Variants in CENPW observed in about 807,000 individuals in gnomAD.
CENPW encodes centromere protein W, also known as cancer-up-regulated gene 2 protein.
A neutral mutation model predicts 11.1 loss-of-function variants in CENPW; 3 were observed. That is an observed-to-expected ratio of 0.27 (90% CI 0.12 to 0.70). The LOEUF is 0.70. Ranked by LOEUF, CENPW falls within the 30% of genes least tolerant of loss-of-function variation. CENPW has a pLI of 0.77. For synonymous variants in CENPW, 38 were observed against 42.0 expected, an observed-to-expected ratio of 0.91 and a Z score of 0.37; for missense variants, 100 against 105.6, an observed-to-expected ratio of 0.95 and a Z score of 0.23.
the CENPW span, among the ~76,000 whole-genome samples, chr6:126,395,133 C>A: frequency 6.6e-6 from 1 of 151,956 alleles, no homozygotes; most frequent in Non-Finnish European, 1.5e-5. Flanking sequence ...TTTCTACTCC[C>A]CCTTCCACTC....
At chr6:126,394,422 A>T in the CENPW span, among the ~76,000 whole-genome samples, 2 of 152,064 alleles carry the variant, frequency 1.3e-5, no homozygotes, top group Non-Finnish European at 2.9e-5. Context: ...TGGCAAAAAG[A>T]AACCAAAAAT....
the CENPW span, among the ~76,000 whole-genome samples, chr6:126,362,781 A>G: frequency 3.3e-5 from 5 of 151,914 alleles, no homozygotes; most frequent in Admixed American, 1.3e-4. Flanking sequence ...TTCTCCTATG[A>G]TTTCCTGTAA....
At chr6:126,390,465 AAACT>A in the CENPW span, among the ~76,000 whole-genome samples, 1 of 151,924 alleles carries the variant, frequency 6.6e-6, no homozygotes, top group East Asian at 1.9e-4. Flanking sequence ...GTTGTGTTAC[AAACT>A]AATTACACTC....
chr6:126,470,186 T>C, the CENPW span, among the ~76,000 whole-genome samples: 2 of 152,176 alleles, frequency 1.3e-5, no homozygotes, highest in African/African-American at 2.4e-5. Context: ...GAGGGAAAAG[T>C]AGTTTCATGG....
In CENPW at chr6:126,340,416, T is replaced by C; in HGVS notation, c.126+17T>C. Reference sequence around the variant, plus strand: ...GACTTATTGGTGAGATTCCATCCCTTCTCGGGCTGGGAATGGGGCACGGGA... The same window carrying C: ...GACTTATTGGTGAGATTCCATCCCTCCTCGGGCTGGGAATGGGGCACGGGA... On this transcript the variant is annotated intron_variant, in intron 1 of 2. Coordinates refer to ENST00000368328, the MANE Select transcript of CENPW (RefSeq NM_001012507.4). 6.2e-7 allele frequency: 1 copy of C among 1,614,136 alleles called. No individual in the cohort carries two copies.
intron 1 of CENPW, 134 bp downstream of exon 1, chr6:126,340,533 G>A: frequency 7.8e-7 from 1 of 1,280,454 alleles, no homozygotes; most frequent in Non-Finnish European, 1.1e-6. Context: ...TTCCAACAAT[G>A]ACAGGGAACG....
At chr6:126,391,597 T>C in the CENPW span, among the ~76,000 whole-genome samples, 2 of 151,920 alleles carry the variant, frequency 1.3e-5, no homozygotes, top group African/African-American at 4.8e-5. Context: ...ACTTTCATAG[T>C]TTGAAGTCTT....
At chr6:126,375,839 A>G in the CENPW span, among the ~76,000 whole-genome samples, 1 of 152,076 alleles carries the variant, frequency 6.6e-6, no homozygotes, top group Admixed American at 6.6e-5. Context: ...TCTAATTTCT[A>G]ATGAATTTCT....
At chr6:126,398,829 G>C in the CENPW span, among the ~76,000 whole-genome samples, 6 of 150,920 alleles carry the variant, frequency 4.0e-5, no homozygotes, top group Admixed American at 4.0e-4. Flanking sequence ...CTAACATCTA[G>C]TATCCCCCAA....
chr6:126,412,624 C>T, the CENPW span, among the ~76,000 whole-genome samples: 1 of 152,094 alleles, frequency 6.6e-6, no homozygotes, highest in Non-Finnish European at 1.5e-5. Context: ...TCAGCCATTA[C>T]TTCTTTGAAT....
the CENPW span, among the ~76,000 whole-genome samples, chr6:126,441,499 G>A: frequency 1.3e-5 from 2 of 151,492 alleles, no homozygotes; most frequent in African/African-American, 4.8e-5. Context: ...GGAACAGGTG[G>A]TGTTTGGTTA....
chr6:126,360,290 C>A, the CENPW span, among the ~76,000 whole-genome samples: 1 of 152,000 alleles, frequency 6.6e-6, no homozygotes, highest in Admixed American at 6.6e-5. Flanking sequence ...GCTGAGAGTT[C>A]CACTGCTAGC....
the CENPW span, among the ~76,000 whole-genome samples, chr6:126,455,530 T>G: frequency 4.6e-5 from 7 of 151,436 alleles, no homozygotes; most frequent in Admixed American, 3.3e-4. Context: ...CAATTTATGT[T>G]AAAACCCCTA....
the CENPW span, among the ~76,000 whole-genome samples, chr6:126,406,853 G>GAA: frequency 1.3e-3 from 182 of 139,590 alleles, 3 homozygotes; most frequent in East Asian, 0.013. Context: ...CTCCATCCTG[G>GAA]AAAAAAAAAA....
chr6:126,344,108 A>C (rs1780364174), intron 1 of CENPW, among the ~76,000 whole-genome samples: 1 of 152,232 alleles, frequency 6.6e-6, no homozygotes, highest in South Asian at 2.1e-4. Context: ...ACTATGTATT[A>C]AGCAATGTGT....
chr6:126,442,489 T>C, the CENPW span, among the ~76,000 whole-genome samples: 1 of 151,408 alleles, frequency 6.6e-6, no homozygotes. Context: ...TTGCTTTTTC[T>C]GTGAATAAGT....
chr6:126,433,803 G>A, the CENPW span, among the ~76,000 whole-genome samples: 3 of 152,010 alleles, frequency 2.0e-5, no homozygotes, highest in Admixed American at 1.3e-4. Flanking sequence ...TGATTATGGG[G>A]GTTATGGGTA....
the CENPW span, among the ~76,000 whole-genome samples, chr6:126,384,078 G>A: frequency 6.6e-6 from 1 of 152,076 alleles, no homozygotes; most frequent in African/African-American, 2.4e-5. Context: ...AATAAAAATA[G>A]AATTCAAGAC....
At chr6:126,407,081 A>G in the CENPW span, among the ~76,000 whole-genome samples, 1 of 152,174 alleles carries the variant, frequency 6.6e-6, no homozygotes, top group South Asian at 2.1e-4. Flanking sequence ...TCCTGATGCT[A>G]TACCCATCAC....
Sources: gnomAD v4.1 joint callset for allele counts (sites outside exome capture counted in the v4.1 genomes callset) on GRCh38, gnomAD v4.1.1 for gene constraint, MANE v1.5 for transcripts, NCBI Gene and HGNC (gene_info 2026-07-23, HGNC 2026-07-21) for gene names.